The following ST3GAL6 variants were observed in gnomAD, a reference collection of about 807,000 sequenced individuals.
ST3GAL6 encodes ST3 beta-galactoside alpha-2,3-sialyltransferase 6.
In ST3GAL6, 31 loss-of-function variants were observed where a neutral mutation model predicts 40.5. The observed-to-expected ratio is 0.77, with a 90% CI of 0.58 to 1.03. The LOEUF is 1.03. Ranked by LOEUF, ST3GAL6 falls within the 50% of genes least tolerant of loss-of-function variation. The probability of loss-of-function intolerance (pLI) is 0.00; values close to 1 mark genes in which losing one functional copy is unlikely to be tolerated. For missense variants in ST3GAL6, 357 were observed against 393.2 expected, an observed-to-expected ratio of 0.91 and a Z score of 0.78; for synonymous variants, 129 against 136.9, an observed-to-expected ratio of 0.94 and a Z score of 0.40.
At chr3:98,751,759 A>G (rs1319770138) in intron 1 of ST3GAL6, among the ~76,000 whole-genome samples, 4 of 152,220 alleles carry the variant, frequency 2.6e-5, no homozygotes, top group Non-Finnish European at 5.9e-5. Flanking sequence ...GCTGAAAGTC[A>G]TAGTTTCCAA....
intron 1 of ST3GAL6, among the ~76,000 whole-genome samples, chr3:98,742,904 T>C (rs113226685): frequency 8.6e-4 from 131 of 151,898 alleles, no homozygotes; most frequent in African/African-American, 3.1e-3. Context: ...TTGTCCATGT[T>C]GGTCAGGCTG....
At chr3:98,774,113 C>G in intron 5 of ST3GAL6, 130 bp downstream of exon 5, 1 of 676,652 alleles carries the variant, frequency 1.5e-6, no homozygotes, top group East Asian at 2.7e-5. Flanking sequence ...ACCAAAATTT[C>G]TAGTAGTAAT....
At chr3:98,738,974 C>A (rs901254485) in intron 1 of ST3GAL6, among the ~76,000 whole-genome samples, 3 of 152,018 alleles carry the variant, frequency 2.0e-5, no homozygotes, top group Non-Finnish European at 4.4e-5. Flanking sequence ...TCAGCAAATT[C>A]AAAAAAACCA....
At chr3:98,765,483 T>C (rs1938229301) in intron 1 of ST3GAL6, among the ~76,000 whole-genome samples, 1 of 152,202 alleles carries the variant, frequency 6.6e-6, no homozygotes, top group Non-Finnish European at 1.5e-5. Flanking sequence ...ATATAAAAGA[T>C]TTTTTATGAA....
chr3:98,759,856 G>T (rs1310072998), upstream of ST3GAL6, among the ~76,000 whole-genome samples: 1 of 152,184 alleles, frequency 6.6e-6, no homozygotes, highest in Admixed American at 6.5e-5. Context: ...AATGTGAATG[G>T]AGGAATCCTA....
chr3:98,747,212 T>G (rs1936629883), intron 1 of ST3GAL6, among the ~76,000 whole-genome samples: 1 of 152,238 alleles, frequency 6.6e-6, no homozygotes, highest in African/African-American at 2.4e-5. Context: ...AGTATGGTTA[T>G]CAGGAAGAGA....
rs983258971 is a variant in ST3GAL6 at position 98,735,234 on chromosome 3, A to T, written c.-12+2702A>T. ...TTGCAGTGGCTCACATAAAGGTTTGACTCTACCTCTGCCTACACCATCCCA... is the reference window on the plus strand; with the variant it reads ...TTGCAGTGGCTCACATAAAGGTTTGTCTCTACCTCTGCCTACACCATCCCA... On this transcript the variant is annotated intron_variant, in intron 1 of 9. Transcript: ENST00000265261. Among the ~76,000 whole-genome samples, 13 of 152,144 alleles carry T rather than the reference A, an allele frequency of 8.5e-5. No homozygotes were observed. In the South Asian group the frequency reaches 1.0e-3, roughly 12 times the overall value.
chr3:98,763,202 G>A (rs1308321463), upstream of ST3GAL6: 6 of 1,205,926 alleles, frequency 5.0e-6, no homozygotes, highest in East Asian at 2.9e-4. Context: ...GGCTAGAGTT[G>A]GAGGTTCTGT....
intron 1 of ST3GAL6, among the ~76,000 whole-genome samples, chr3:98,753,134 G>C (rs769987873): frequency 7.2e-5 from 11 of 152,160 alleles, no homozygotes; most frequent in Non-Finnish European, 1.5e-4. Context: ...TGAATGCATA[G>C]GAAAAGTTCT....
intron 6 of ST3GAL6, 88 bp downstream of exon 6, chr3:98,785,128 G>T: frequency 2.2e-6 from 2 of 911,558 alleles, no homozygotes; most frequent in Non-Finnish European, 1.7e-6. Flanking sequence ...GACAGGAAGG[G>T]GAGATGTTTC....
chr3:98,753,553 T>C (rs1165762200), intron 1 of ST3GAL6, among the ~76,000 whole-genome samples: 1 of 152,256 alleles, frequency 6.6e-6, no homozygotes, highest in African/African-American at 2.4e-5. Flanking sequence ...AGTCAATGCC[T>C]GGCTTCAAAG....
At chr3:98,733,057 CG>C in intron 1 of ST3GAL6, 1 of 1,413,132 alleles carries the variant, frequency 7.1e-7, no homozygotes, top group Non-Finnish European at 9.2e-7. Context: ...GGCCGGGGTC[CG>C]GGCGGCCTGG....
intron 1 of ST3GAL6, among the ~76,000 whole-genome samples, chr3:98,737,527 A>G (rs532290084): frequency 2.6e-5 from 4 of 152,336 alleles, no homozygotes; most frequent in African/African-American, 7.2e-5. Context: ...ACGCCTATAC[A>G]GTATTCCTTT....
chr3:98,792,512 ATTTTTT>A (rs35917234), intron 9 of ST3GAL6, among the ~76,000 whole-genome samples: 1 of 138,744 alleles, frequency 7.2e-6, no homozygotes, highest in African/African-American at 2.7e-5. Flanking sequence ...TTTAGTTTAA[ATTTTTT>A]TTTTTTTTTT....
chr3:98,773,732 T>A (rs1198664302), intron 4 of ST3GAL6, among the ~76,000 whole-genome samples, 188 bp from the exon 5 acceptor site: 4 of 152,134 alleles, frequency 2.6e-5, no homozygotes, highest in Non-Finnish European at 5.9e-5. Flanking sequence ...TTAGAGCATT[T>A]ACGATTTTGA....
At chr3:98,779,317 G>C (rs1355170107) in intron 5 of ST3GAL6, among the ~76,000 whole-genome samples, 1 of 152,216 alleles carries the variant, frequency 6.6e-6, no homozygotes, top group Non-Finnish European at 1.5e-5. Context: ...ACATGGCTAT[G>C]TCTAGATGAA....
At position 98,795,304 on chromosome 3, in the gene ST3GAL6, A is replaced by G. The variant is rs936396205; in HGVS notation, c.*1543A>G. On this transcript the variant is annotated 3_prime_UTR_variant, in exon 10 of 10. Coordinates refer to ENST00000483910, the MANE Select transcript of ST3GAL6 (RefSeq NM_001323368.2). ...ACCTGCCTCTCTAAAGAGGGTGTATAAAGGGTGAAATACATTAGATTTGGC... is the reference window on the plus strand; with the variant it reads ...ACCTGCCTCTCTAAAGAGGGTGTATGAAGGGTGAAATACATTAGATTTGGC... The G allele has an allele frequency of 6.6e-6, 1 of 152,228 alleles. No individual in the cohort carries two copies. Among genetic ancestry groups the G allele is most frequent in the Admixed American group, 6.5e-5 (1 of 15,282 alleles). 9.4% of individuals were successfully genotyped at this position (152,228 alleles called of 1,614,324 possible).
upstream of ST3GAL6, among the ~76,000 whole-genome samples, chr3:98,761,691 AG>A (rs2107095588): frequency 6.6e-6 from 1 of 152,268 alleles, no homozygotes; most frequent in East Asian, 1.9e-4. Flanking sequence ...TCTTATTAGC[AG>A]GATGTTAATA....
rs74995551 is a variant in ST3GAL6 at position 98,793,941 on chromosome 3, A to G, written c.*180A>G. The G allele has an allele frequency of 1.0e-4, 40 of 389,930 alleles. No individual in the cohort carries two copies. The highest frequency in any genetic ancestry group is 6.4e-4 in the African/African-American group (31 of 48,368). The allele number at this position is 389,930 out of a possible 1,614,324, so 24.2% of individuals were successfully genotyped here. A position where few individuals can be genotyped will look rare whatever the true frequency, so the allele number is the denominator to read the frequency against. ...ACTGTATATTTAACTTATGAAAACC[A>G]AGAAATGTAAAGATAACAGGAAAAT... On this transcript the variant is annotated 3_prime_UTR_variant, in exon 10 of 10. Coordinates refer to ENST00000483910, the MANE Select transcript of ST3GAL6 (RefSeq NM_001323368.2).
Sources: gnomAD v4.1 joint callset for allele counts (sites outside exome capture counted in the v4.1 genomes callset) on GRCh38, gnomAD v4.1.1 for gene constraint, MANE v1.5 for transcripts, NCBI Gene and HGNC (gene_info 2026-07-23, HGNC 2026-07-21) for gene names.